Variants in XRCC3 observed in about 807,000 individuals in gnomAD.
The protein encoded by XRCC3 is X-ray repair cross complementing 3.
A neutral mutation model predicts 29.2 loss-of-function variants in XRCC3; 34 were observed. The ratio of observed to expected loss-of-function variants is 1.16; its 90% CI spans 0.88 to 1.55. XRCC3 has a LOEUF of 1.55. XRCC3 is among the 40% of genes most tolerant of loss of function. The probability of loss-of-function intolerance (pLI) is 0.00; values close to 1 mark genes in which losing one functional copy is unlikely to be tolerated. For synonymous variants in XRCC3, 223 were observed against 211.3 expected, an observed-to-expected ratio of 1.06 and a Z score of -0.48; for missense variants, 463 against 467.6, an observed-to-expected ratio of 0.99 and a Z score of 0.09.
intron 1 of XRCC3, among the ~76,000 whole-genome samples, chr14:103,714,958 A>G (rs910547411): frequency 6.6e-6 from 1 of 152,256 alleles, no homozygotes; most frequent in Non-Finnish European, 1.5e-5. Context: ...TGCTCGGATT[A>G]CAGGCGTGAG....
At chr14:103,712,259 G>C (rs2151944691) in intron 2 of XRCC3, 1 of 165,020 alleles carries the variant, frequency 6.1e-6, no homozygotes, top group African/African-American at 2.4e-5. Flanking sequence ...TTCTGAGCAA[G>C]GGACAGGGAG....
intron 7 of XRCC3, chr14:103,702,757 C>T (rs1053818429): frequency 2.9e-5 from 6 of 203,412 alleles, no homozygotes; most frequent in Admixed American, 2.1e-4. Flanking sequence ...CCGTCAGGCT[C>T]CTGAGCCTCC....
At chr14:103,706,820 G>T in intron 6 of XRCC3, 183 bp downstream of exon 6, 1 of 751,984 alleles carries the variant, frequency 1.3e-6, no homozygotes, top group Non-Finnish European at 2.2e-6. Context: ...TGTCAGCTGA[G>T]CCCAGCCTCA....
At chr14:103,707,531 A>G (rs566584050) in intron 5 of XRCC3, 4 of 466,952 alleles carry the variant, frequency 8.6e-6, no homozygotes, top group Non-Finnish European at 1.6e-5. Context: ...GCTCCCTAAC[A>G]GCCTCCATGT....
Position 103,699,492 on chromosome 14 carries a change from C to G in XRCC3, c.646G>C (p.Ala216Pro), listed in dbSNP as rs771142980. The change falls in exon 8 of 10, where the codon GCA becomes CCA. Residue 216 changes from alanine to proline, a missense_variant. Ala to Pro is a conservative substitution (Grantham distance 27, BLOSUM62 -1). Transcript: ENST00000555055. ...MARLVVIDSVAAPFRCEFDSQ... is the reference protein window; with the variant it reads ...MARLVVIDSVPAPFRCEFDSQ... ...TCAAATTCACAGCGGAATGGGGCTGCCACCGAGTCGATGACCACCAGGCGA... is the reference window on the plus strand; with the variant it reads ...TCAAATTCACAGCGGAATGGGGCTGGCACCGAGTCGATGACCACCAGGCGA... 6.2e-7 allele frequency: 1 copy of G among 1,612,860 alleles called. No individual in the cohort carries two copies. The highest frequency in any genetic ancestry group is 1.1e-5 in the South Asian group (1 of 91,074).
In XRCC3 at chr14:103,699,440, C is replaced by T. The variant is rs1261492669; in HGVS notation, c.698G>A (p.Arg233Lys). 3 of 1,612,850 alleles carry T rather than the reference C, an allele frequency of 1.9e-6. No individual in the cohort carries two copies. The highest frequency in any genetic ancestry group is 1.7e-6 in the Non-Finnish European group (2 of 1,179,974). The change falls in exon 8 of 10, where the codon AGG (arginine) becomes AAG (lysine). Residue 233 changes from arginine to lysine, a missense_variant. Arg to Lys is a conservative substitution (Grantham distance 26, BLOSUM62 2). Coordinates refer to ENST00000555055, the MANE Select transcript of XRCC3 (RefSeq NM_005432.4). ...FDSQASAPRA[R>K]HLQSLGATLR... ...CGTGGCCCCCAGGGACTGCAGATGC[C>T]TGGCCCTGGGGGCGGAGGCCTGGCT...
chr14:103,712,077 T>A (rs1222007901), intron 2 of XRCC3: 4 of 286,506 alleles, frequency 1.4e-5, no homozygotes, highest in African/African-American at 8.8e-5. Context: ...TGGTCACTCG[T>A]ATGCCCATGT....
chr14:103,698,437 C>G lies in XRCC3; in HGVS notation c.*361G>C. On this transcript the variant is annotated 3_prime_UTR_variant, in exon 10 of 10. Coordinates refer to ENST00000555055, the MANE Select transcript of XRCC3 (RefSeq NM_005432.4). ...CCCAGGGGGCAGGCCTCAGACGCAA[C>G]CCCAGTTGGGCTTCCATGTGGAGAG... 2.9e-6 allele frequency: 1 copy of G among 341,932 alleles called. No homozygotes were observed. The highest frequency in any genetic ancestry group is 2.5e-5 in the South Asian group (1 of 39,502). The allele number at this position is 341,932 out of a possible 1,614,324, so 21.2% of individuals were successfully genotyped here. A position where few individuals can be genotyped will look rare whatever the true frequency, so the allele number is the denominator to read the frequency against.
chr14:103,700,521 C>A, intron 7 of XRCC3: 1 of 633,410 alleles, frequency 1.6e-6, no homozygotes, highest in South Asian at 1.9e-5. Flanking sequence ...CAGATGGAGG[C>A]TGCTAAGGGG....
rs535732816 is a variant in XRCC3 at position 103,715,187 on chromosome 14, G to C, written c.-318+237C>G. 6.3e-3 allele frequency among the ~76,000 whole-genome samples: 965 copies of C among 152,170 alleles called. 12 individuals carry two copies. Among genetic ancestry groups the C allele is most frequent in the African/African-American group, 0.022 (924 of 41,526 alleles). ...GGAGACCGCCTTCCCCGCTCCGAACGCACGCGGCCCGGCCCCGGCGAGGTG... is the reference window on the plus strand; with the variant it reads ...GGAGACCGCCTTCCCCGCTCCGAACCCACGCGGCCCGGCCCCGGCGAGGTG... On this transcript the variant is annotated intron_variant, in intron 1 of 9. Transcript: ENST00000555055.
intron 5 of XRCC3, 111 bp from the exon 6 acceptor site, chr14:103,707,326 A>G: frequency 7.3e-7 from 1 of 1,364,540 alleles, no homozygotes; most frequent in African/African-American, 1.4e-5. Flanking sequence ...TGGCTGGAGC[A>G]CAGGTGCCTG....
intron 9 of XRCC3, 24 bp downstream of exon 9, chr14:103,699,109 C>G: frequency 6.4e-7 from 1 of 1,570,636 alleles, no homozygotes; most frequent in East Asian, 2.4e-5. Context: ...CACAGAGGTG[C>G]ACACACCACA....
intron 7 of XRCC3, chr14:103,700,171 G>T: frequency 4.9e-6 from 1 of 203,676 alleles, no homozygotes; most frequent in Admixed American, 5.3e-5. Context: ...GGTCAGGATG[G>T]GGCTGTAGGT....
At chr14:103,707,331 T>G (rs1595667915) in intron 5 of XRCC3, 116 bp from the exon 6 acceptor site, 1 of 1,297,920 alleles carries the variant, frequency 7.7e-7, no homozygotes, top group Non-Finnish European at 1.1e-6. Context: ...GGAGCACAGG[T>G]GCCTGCGGTC....
intron 2 of XRCC3, chr14:103,712,332 C>G (rs1185947683): frequency 6.5e-6 from 1 of 154,960 alleles, no homozygotes; most frequent in African/African-American, 2.4e-5. Context: ...CCCTGGAGGG[C>G]CGGGCGCAGG....
intron 7 of XRCC3, chr14:103,700,835 C>A: frequency 1.1e-6 from 1 of 922,188 alleles, no homozygotes; most frequent in Non-Finnish European, 1.6e-6. Context: ...GTGACTGCTG[C>A]TAGCTGCCAG....
At position 103,703,246 on chromosome 14, in the gene XRCC3, G is replaced by C. The variant is rs376618856; in HGVS notation, c.488C>G (p.Thr163Ser). 6.4e-7 allele frequency: 1 copy of C among 1,563,432 alleles called. No homozygotes were observed. The highest frequency in any genetic ancestry group is 1.4e-5 in the African/African-American group (1 of 73,746). ...QLMAQQPRLR[T>S]DVPGELLQKL... ...CTGAAGCAGCTCTCCTGGAACGTCA[G>C]TGCGCAGCCGCGGCTGCTGGGCCAT... The change falls in exon 7 of 10, where the codon ACT becomes AGT. Residue 163 changes from threonine (T) to serine (S), a missense_variant. Physicochemically the swap from Thr to Ser is moderately conservative, Grantham distance 58. Transcript: ENST00000555055.
Position 103,711,090 on chromosome 14 carries a change from T to G in XRCC3, c.-3A>C. On this transcript the variant is annotated 5_prime_UTR_variant, in exon 4 of 10. Transcript: ENST00000555055. ...AGGTCCAGTAGATCCAAATCCATTT[T>G]GTCGGTGGGCTGGCCACCAGGATGA... is the stretch of plus-strand genomic sequence containing the variant. The G allele has an allele frequency of 6.2e-7, 1 of 1,614,180 alleles. No individual in the cohort carries two copies. The highest frequency in any genetic ancestry group is 8.5e-7 in the Non-Finnish European group (1 of 1,180,010).
chr14:103,698,917 G>C lies in XRCC3; in HGVS notation c.922C>G (p.Leu308Val). The C allele has an allele frequency of 6.2e-7, 1 of 1,601,096 alleles. No individual in the cohort carries two copies. Among genetic ancestry groups the C allele is most frequent in the Non-Finnish European group, 8.5e-7 (1 of 1,174,330 alleles). ...ADRLREEEAALGCPARTLRVL... is the reference protein window; with the variant it reads ...ADRLREEEAAVGCPARTLRVL... ...CGCAGGGTCCGGGCTGGGCAGCCGA[G>C]GGCAGCCTCTTCCTCGCGGAGCCGG... Residue 308 changes from leucine to valine, a missense_variant, in exon 10 of 10, where the codon CTC becomes GTC. By Grantham distance (32) the Leu-to-Val change is conservative. Coordinates refer to ENST00000555055, the MANE Select transcript of XRCC3 (RefSeq NM_005432.4).
Sources: gnomAD v4.1 joint callset for allele counts (sites outside exome capture counted in the v4.1 genomes callset) on GRCh38, gnomAD v4.1.1 for gene constraint, MANE v1.5 for transcripts, NCBI Gene and HGNC (gene_info 2026-07-23, HGNC 2026-07-21) for gene names.